Variants in ARSG observed in about 807,000 individuals in gnomAD.
The protein encoded by ARSG is arylsulfatase G, also known as ASG.
A neutral mutation model predicts 50.5 loss-of-function variants in ARSG; 37 were observed. The observed-to-expected ratio is 0.73, with a 90% CI of 0.56 to 0.96. The LOEUF is 0.96. ARSG is among the 50% of genes least tolerant of loss of function. ARSG has a pLI of 0.00. For missense variants in ARSG, 629 were observed against 675.3 expected (o/e 0.93, Z 0.76); for synonymous variants, 225 against 254.6 (o/e 0.88, Z 1.11).
the ARSG span, chr17:68,436,235 T>C: frequency 1.1e-5 from 8 of 704,440 alleles, no homozygotes; most frequent in Non-Finnish European, 2.0e-5. Context: ...CGAGGGGAAA[T>C]AGTATCACCT....
chr17:68,396,011 T>G (rs8072908), intron 10 of ARSG, among the ~76,000 whole-genome samples: 64,646 of 149,732 alleles, frequency 0.43, 15,397 homozygotes, highest in Admixed American at 0.56. Flanking sequence ...TGTTTTTTTT[T>G]TTTGTTTTTT....
intron 11 of ARSG, among the ~76,000 whole-genome samples, chr17:68,409,696 T>G (rs1156900088): frequency 2.0e-5 from 3 of 149,404 alleles, no homozygotes; most frequent in African/African-American, 7.5e-5. Flanking sequence ...GCATTGAATC[T>G]GTAAATTACC....
chr17:68,329,898 C>A (rs796309303), intron 2 of ARSG, among the ~76,000 whole-genome samples: 2 of 152,300 alleles, frequency 1.3e-5, no homozygotes, highest in African/African-American at 2.4e-5. Context: ...GCTGTATGTA[C>A]TCATGCTAGG....
chr17:68,341,044 AAAATCCTGAACCC>A (rs1220209364), intron 2 of ARSG, among the ~76,000 whole-genome samples: 1 of 152,200 alleles, frequency 6.6e-6, no homozygotes, highest in Non-Finnish European at 1.5e-5. Flanking sequence ...AAATCGTTTC[AAAATCCTGAACCC>A]AATATTGCCA....
At chr17:68,393,477 C>T (rs137937657) in intron 9 of ARSG, among the ~76,000 whole-genome samples, 1 of 152,098 alleles carries the variant, frequency 6.6e-6, no homozygotes, top group Non-Finnish European at 1.5e-5. Context: ...TTACTAATGG[C>T]CCCAACGTGC....
At chr17:68,370,374 G>A in intron 7 of ARSG, 70 bp from the exon 8 acceptor site, 2 of 1,412,574 alleles carry the variant, frequency 1.4e-6, no homozygotes, top group East Asian at 2.3e-5. Flanking sequence ...GGGATATAGG[G>A]CCAGAGTGGG....
chr17:68,340,048 T>G (rs2078199384), intron 2 of ARSG, among the ~76,000 whole-genome samples: 1 of 152,134 alleles, frequency 6.6e-6, no homozygotes, highest in African/African-American at 2.4e-5. Flanking sequence ...GAGCCTGCCA[T>G]CCCTTCCTTG....
At chr17:68,427,361 AT>A (rs2083266917), downstream of ARSG, 2 of 834,502 alleles carry the variant, frequency 2.4e-6, no homozygotes, top group Non-Finnish European at 3.8e-6. Flanking sequence ...TCTGTGGGTT[AT>A]TTATTTATTT....
At chr17:68,312,177 G>T (rs1265019953) in intron 2 of ARSG, among the ~76,000 whole-genome samples, 5 of 152,092 alleles carry the variant, frequency 3.3e-5, no homozygotes, top group African/African-American at 1.2e-4. Flanking sequence ...CTCCCTCCTA[G>T]CTCTGGACTT....
chr17:68,263,880 T>C (rs146585804), intron 1 of ARSG, among the ~76,000 whole-genome samples: 199 of 152,234 alleles, frequency 1.3e-3, no homozygotes, highest in African/African-American at 4.4e-3. Flanking sequence ...TTTTTTGAGA[T>C]GGAATCTTGC....
chr17:68,352,163 CAGAGAG>C (rs755040817), intron 5 of ARSG, among the ~76,000 whole-genome samples: 54 of 44,576 alleles, frequency 1.2e-3, no homozygotes, highest in Non-Finnish European at 2.6e-3. Flanking sequence ...GAGAGAGAGA[CAGAGAG>C]AGAGAGAGAG....
At chr17:68,337,581 T>C (rs1243352398) in intron 2 of ARSG, among the ~76,000 whole-genome samples, 2 of 148,556 alleles carry the variant, frequency 1.3e-5, no homozygotes, top group African/African-American at 5.0e-5. Context: ...CACCTGGAGA[T>C]TAGGAAGCTA....
intron 1 of ARSG, among the ~76,000 whole-genome samples, chr17:68,301,862 C>T (rs546178550): frequency 2.0e-5 from 3 of 152,122 alleles, no homozygotes; most frequent in East Asian, 1.9e-4. Flanking sequence ...GCGTAGCTTC[C>T]TCCCTGACCT....
rs138391343 is a variant in ARSG, at chr17:68,312,788, C to T, written c.218+5077C>T. On this transcript the variant is annotated intron_variant, in intron 2 of 11. Coordinates refer to ENST00000621439, the MANE Select transcript of ARSG (RefSeq NM_001267727.2). ...GCTGGTTTCTCCCACTGCCTACTCA[C>T]GGCCAGTGGGGAACCATGACTTTCA... Among the ~76,000 whole-genome samples the T allele has an allele frequency of 5.5e-3, 830 of 152,264 alleles. 3 individuals are homozygous for T. Among genetic ancestry groups the T allele is most frequent in the African/African-American group, 0.019 (785 of 41,544 alleles).
the ARSG span, among the ~76,000 whole-genome samples, chr17:68,429,735 C>T: frequency 5.3e-5 from 8 of 152,082 alleles, no homozygotes; most frequent in East Asian, 1.9e-4. Context: ...ACTACAGGCA[C>T]GCACCACCAT....
chr17:68,301,586 T>C (rs575702811), intron 1 of ARSG, among the ~76,000 whole-genome samples: 10 of 152,340 alleles, frequency 6.6e-5, no homozygotes, highest in African/African-American at 2.4e-4. Context: ...ACTCAGCTGC[T>C]TCTTTCATCT....
At position 68,401,128 on chromosome 17, in the gene ARSG, A is replaced by G. The variant is rs537443257; in HGVS notation, c.1213-232A>G. 1.2e-5 allele frequency: 6 copies of G among 503,920 alleles called. No homozygotes were observed. In the South Asian group the frequency reaches 1.4e-4, roughly 12 times the overall value. 31.2% of individuals were successfully genotyped at this position (503,920 alleles called of 1,614,324 possible). On this transcript the variant is annotated intron_variant, in intron 10 of 11. Transcript: ENST00000621439. ...AGCGTTGACCTCCCAGGCTCAAACA[A>G]TCCTCTCACCTCAGCTTCCAAGTAG...
chr17:68,417,218 G>C (rs1247929402), intron 11 of ARSG, among the ~76,000 whole-genome samples: 3 of 152,208 alleles, frequency 2.0e-5, no homozygotes, highest in African/African-American at 4.8e-5. Context: ...AGAGTGGCTA[G>C]AGCTGGGTAT....
intron 1 of ARSG, chr17:68,268,966 A>G: frequency 1.3e-6 from 2 of 1,509,778 alleles, no homozygotes; most frequent in Non-Finnish European, 1.8e-6. Context: ...CTCTTCACAT[A>G]CACATTCCCT....
Sources: gnomAD v4.1 joint callset for allele counts (sites outside exome capture counted in the v4.1 genomes callset) on GRCh38, gnomAD v4.1.1 for gene constraint, MANE v1.5 for transcripts, NCBI Gene and HGNC (gene_info 2026-07-23, HGNC 2026-07-21) for gene names.